JAZF1: variants seen among roughly 807,000 people sequenced by gnomAD.
JAZF1 encodes JAZF zinc finger 1.
Under a neutral mutation model 26.4 loss-of-function variants are expected in JAZF1, and 8 were observed. The observed-to-expected ratio is 0.30, with a 90% confidence interval of 0.18 to 0.55. The LOEUF (loss-of-function observed/expected upper bound fraction) is 0.55. Ranked by LOEUF, JAZF1 falls within the 20% of genes least tolerant of loss-of-function variation. The pLI is 0.94. For missense variants in JAZF1, 199 were observed against 322.0 expected (o/e 0.62, Z 2.92); for synonymous variants, 126 against 122.3 (o/e 1.03, Z -0.20).
chr7:28,123,706 C>T (rs375972524), intron 1 of JAZF1, among the ~76,000 whole-genome samples: 1 of 151,898 alleles, frequency 6.6e-6, no homozygotes, highest in Non-Finnish European at 1.5e-5. Flanking sequence ...ATCACCTGTA[C>T]CTTGTACATA....
intron 1 of JAZF1, among the ~76,000 whole-genome samples, chr7:28,041,406 T>G (rs1176828447): frequency 6.6e-6 from 1 of 151,260 alleles, no homozygotes; most frequent in Non-Finnish European, 1.5e-5. Flanking sequence ...AGCTATTTTT[T>G]AAAAGGTGAC....
intron 1 of JAZF1, among the ~76,000 whole-genome samples, chr7:28,152,090 A>C (rs918617205): frequency 9.2e-5 from 14 of 152,142 alleles, no homozygotes; most frequent in African/African-American, 3.4e-4. Flanking sequence ...GATTTGACTT[A>C]ATTATGTCAC....
At chr7:27,928,661 A>G (rs1189133261) in intron 2 of JAZF1, among the ~76,000 whole-genome samples, 14 of 152,218 alleles carry the variant, frequency 9.2e-5, no homozygotes. Context: ...GCTGGAGGCC[A>G]TTATCTTCAG....
At chr7:28,098,694 A>T (rs1429888735) in intron 1 of JAZF1, among the ~76,000 whole-genome samples, 1 of 152,248 alleles carries the variant, frequency 6.6e-6, no homozygotes, top group Non-Finnish European at 1.5e-5. Flanking sequence ...TAGACTCACA[A>T]CTAAGCATTT....
chr7:28,130,363 A>G (rs1782771353), intron 1 of JAZF1, among the ~76,000 whole-genome samples: 1 of 152,234 alleles, frequency 6.6e-6, no homozygotes, highest in Non-Finnish European at 1.5e-5. Context: ...CTGAGAGTCT[A>G]TAAACTAATT....
At chr7:28,138,563 T>A (rs1381298059) in intron 1 of JAZF1, among the ~76,000 whole-genome samples, 1 of 152,232 alleles carries the variant, frequency 6.6e-6, no homozygotes, top group Non-Finnish European at 1.5e-5. Context: ...GACAGGCTTT[T>A]AAGATTAGAC....
At chr7:27,971,676 G>A (rs1010236079) in intron 2 of JAZF1, among the ~76,000 whole-genome samples, 2 of 152,132 alleles carry the variant, frequency 1.3e-5, no homozygotes, top group Admixed American at 1.3e-4. Context: ...AGGGGAAAAC[G>A]ATAAATCAAG....
intron 2 of JAZF1, among the ~76,000 whole-genome samples, chr7:27,905,819 C>G (rs1414305771): frequency 1.3e-5 from 2 of 151,958 alleles, no homozygotes; most frequent in Admixed American, 6.6e-5. Context: ...TTGAGAAAGG[C>G]TTTCTTGAGA....
At chr7:27,980,923 G>T (rs1258507404) in intron 2 of JAZF1, among the ~76,000 whole-genome samples, 2 of 151,876 alleles carry the variant, frequency 1.3e-5, no homozygotes, top group African/African-American at 4.8e-5. Context: ...TTCCACTATG[G>T]CCAGGCTAGT....
chr7:28,177,533 C>T (rs1166768677), intron 1 of JAZF1, among the ~76,000 whole-genome samples: 1 of 152,148 alleles, frequency 6.6e-6, no homozygotes, highest in East Asian at 1.9e-4. Flanking sequence ...AGGGTTTTTA[C>T]TAGTGGCTAA....
At position 28,098,110 on chromosome 7, in the gene JAZF1, T is replaced by G. The variant is rs541882984; in HGVS notation, c.115+82353A>C. Reference sequence around the variant, plus strand: ...TCTGTAATCCGCAATGTGATGATATTTGGAGTGAAGCCTTTGGGAGATGAT... The same window carrying G: ...TCTGTAATCCGCAATGTGATGATATGTGGAGTGAAGCCTTTGGGAGATGAT... On this transcript the variant is annotated intron_variant, in intron 1 of 4. Coordinates refer to ENST00000283928, the MANE Select transcript of JAZF1 (RefSeq NM_175061.4). 1.2e-4 allele frequency among the ~76,000 whole-genome samples: 19 copies of G among 152,286 alleles called. No homozygotes were observed. In the South Asian group the frequency reaches 2.9e-3, roughly 23 times the overall value.
Position 28,172,356 on chromosome 7 carries a change from G to A in JAZF1, c.115+8107C>T, listed in dbSNP as rs542362516. The stretch of plus-strand genomic sequence containing the variant: ...CATCTCTTAATTTTCTTTCACATAT[G>A]AGCCATAAAAATCCAGGACATTTCA... On this transcript the variant is annotated intron_variant, in intron 1 of 4. Coordinates refer to ENST00000283928, the MANE Select transcript of JAZF1 (RefSeq NM_175061.4). Among the ~76,000 whole-genome samples, 26 of 152,172 alleles carry A rather than the reference G, an allele frequency of 1.7e-4. No homozygotes were observed. The East Asian group carries it at 4.6e-3, about 27-fold the overall frequency.
chr7:27,949,119 T>C (rs999604873), intron 2 of JAZF1, among the ~76,000 whole-genome samples: 1 of 152,182 alleles, frequency 6.6e-6, no homozygotes, highest in Non-Finnish European at 1.5e-5. Context: ...TCTGGACTCC[T>C]CCAATTCCAT....
At chr7:27,888,772 C>T (rs571656829) in intron 3 of JAZF1, among the ~76,000 whole-genome samples, 1 of 152,118 alleles carries the variant, frequency 6.6e-6, no homozygotes, top group Non-Finnish European at 1.5e-5. Flanking sequence ...AGAATCTAAA[C>T]AAGAAAACCT....
intron 1 of JAZF1, among the ~76,000 whole-genome samples, chr7:28,109,422 C>T (rs994446604): frequency 2.0e-5 from 3 of 152,164 alleles, no homozygotes; most frequent in Non-Finnish European, 4.4e-5. Flanking sequence ...CCAGCCTATC[C>T]TCTTCCTTAT....
intron 1 of JAZF1, among the ~76,000 whole-genome samples, chr7:28,132,547 G>A (rs1583577543): frequency 1.3e-5 from 2 of 152,098 alleles, no homozygotes; most frequent in South Asian, 4.1e-4. Flanking sequence ...TTATTGCGAC[G>A]GCAATTGGAG....
intron 1 of JAZF1, among the ~76,000 whole-genome samples, chr7:28,152,664 C>A (rs1249749030): frequency 6.6e-6 from 1 of 152,126 alleles, no homozygotes; most frequent in East Asian, 1.9e-4. Context: ...AAAAATTCGA[C>A]TCAGGAAATA....
At chr7:28,017,557 C>T (rs758560557) in intron 1 of JAZF1, among the ~76,000 whole-genome samples, 3 of 152,082 alleles carry the variant, frequency 2.0e-5, no homozygotes, top group Non-Finnish European at 4.4e-5. Flanking sequence ...CTTCTGGGTG[C>T]AAAGGGAAGT....
chr7:27,922,179 CAAAT>C (rs1413410695), intron 2 of JAZF1, among the ~76,000 whole-genome samples: 9 of 152,188 alleles, frequency 5.9e-5, no homozygotes, highest in Non-Finnish European at 1.3e-4. Flanking sequence ...ACAAACAGAA[CAAAT>C]AAATAAGGTC....
Sources: allele counts gnomAD v4.1 joint callset (sites outside exome capture counted in the v4.1 genomes callset), GRCh38; gene constraint gnomAD v4.1.1; transcripts MANE v1.5; gene names NCBI Gene and HGNC (gene_info 2026-07-23, HGNC 2026-07-21).